Variants in USH2A observed in about 807,000 individuals in gnomAD.
USH2A encodes usherin, also known as Usher syndrome 2A (autosomal recessive, mild).
USH2A carries 443 observed loss-of-function variants against 538.9 expected under a neutral mutation model. The observed-to-expected ratio is 0.82, with a 90% CI of 0.76 to 0.89. USH2A has a LOEUF of 0.89. USH2A is among the 40% of genes least tolerant of loss of function. The pLI, the probability that USH2A is intolerant of heterozygous loss-of-function variation, is 0.00. For missense variants in USH2A, 6,633 were observed against 6,324.8 expected (o/e 1.05, Z -1.65); for synonymous variants, 2,413 against 2,273.5 (o/e 1.06, Z -1.75).
intron 15 of USH2A, among the ~76,000 whole-genome samples, chr1:216,208,603 G>A (rs925589089): frequency 6.6e-6 from 1 of 152,146 alleles, no homozygotes; most frequent in Non-Finnish European, 1.5e-5. Flanking sequence ...GAACTGCAGA[G>A]CTCTTTTGCT....
chr1:216,207,037 G>A lies in USH2A; in HGVS notation c.3316+236C>T, dbSNP rs917774553. ...CACATTCCCATCAATTCTTGATGGG[G>A]TCATTTTTTTTTCATCTTTGAGAAT... On this transcript the variant is annotated intron_variant, in intron 16 of 71. Transcript: ENST00000307340. Among the ~76,000 whole-genome samples the A allele has an allele frequency of 7.9e-5, 12 of 151,858 alleles. 1 individual carries two copies. The highest frequency in any genetic ancestry group is 2.9e-4 in the African/African-American group (12 of 41,314).
chr1:215,799,737 A>G (rs6686574), intron 49 of USH2A, among the ~76,000 whole-genome samples: 108,343 of 151,996 alleles, frequency 0.71, 39,120 homozygotes, highest in African/African-American at 0.82. Flanking sequence ...TGTAATCCCA[A>G]CACTTTGGGA....
intron 40 of USH2A, among the ~76,000 whole-genome samples, chr1:215,895,167 G>A (rs549743793): frequency 6.6e-6 from 1 of 152,150 alleles, no homozygotes; most frequent in Non-Finnish European, 1.5e-5. Flanking sequence ...TACACAGTAG[G>A]TACACGGTAA....
At chr1:216,370,677 CAAAAAAAAAAAAAA>C (rs58845914) in intron 3 of USH2A, among the ~76,000 whole-genome samples, 5 of 29,992 alleles carry the variant, frequency 1.7e-4, no homozygotes, top group African/African-American at 5.6e-4. Flanking sequence ...GACTCTGTCT[CAAAAAAAAAAAAAA>C]AAAAAAAAAA....
At chr1:216,018,754 T>TA (rs565597254) in intron 32 of USH2A, among the ~76,000 whole-genome samples, 1 of 152,038 alleles carries the variant, frequency 6.6e-6, no homozygotes, top group Non-Finnish European at 1.5e-5. Flanking sequence ...AATCTAATTT[T>TA]AAAAAATATT....
intron 9 of USH2A, among the ~76,000 whole-genome samples, chr1:216,302,555 TACTC>T (rs996431368): frequency 6.6e-6 from 1 of 152,090 alleles, no homozygotes; most frequent in Non-Finnish European, 1.5e-5. Flanking sequence ...ACAATGTACT[TACTC>T]ACTCTCTAGA....
chr1:216,357,569 C>T (rs1053519362), intron 4 of USH2A, among the ~76,000 whole-genome samples: 7 of 152,080 alleles, frequency 4.6e-5, no homozygotes, highest in Non-Finnish European at 1.0e-4. Context: ...TAGCTTTAGA[C>T]GATGATCCTT....
intron 38 of USH2A, among the ~76,000 whole-genome samples, chr1:215,915,746 A>G (rs1175930262): frequency 6.6e-6 from 1 of 151,920 alleles, no homozygotes; most frequent in Non-Finnish European, 1.5e-5. Context: ...ACATATGTTT[A>G]TTGCGGCACT....
chr1:215,820,304 G>A (rs945985860), intron 47 of USH2A, among the ~76,000 whole-genome samples: 3 of 135,818 alleles, frequency 2.2e-5, no homozygotes, highest in South Asian at 2.3e-4. Flanking sequence ...CACACACACA[G>A]CCCACATACA....
intron 46 of USH2A, among the ~76,000 whole-genome samples, chr1:215,841,164 T>A (rs192386296): frequency 1.3e-5 from 2 of 152,168 alleles, no homozygotes; most frequent in Admixed American, 6.6e-5. Flanking sequence ...AAACTACCAA[T>A]GACATTCTTC....
At chr1:215,964,480 CAA>C (rs1448962162) in intron 37 of USH2A, among the ~76,000 whole-genome samples, 1 of 152,118 alleles carries the variant, frequency 6.6e-6, no homozygotes, top group Non-Finnish European at 1.5e-5. Flanking sequence ...TTAAGTATTA[CAA>C]AGACTCATAG....
chr1:216,320,829 C>T (rs780449407), intron 9 of USH2A, among the ~76,000 whole-genome samples: 4 of 152,046 alleles, frequency 2.6e-5, no homozygotes, highest in African/African-American at 4.8e-5. Context: ...AACTCTTTAC[C>T]TGTTAACATG....
intron 4 of USH2A, among the ~76,000 whole-genome samples, chr1:216,329,314 T>C (rs1041884274): frequency 3.3e-5 from 5 of 152,148 alleles, no homozygotes; most frequent in African/African-American, 1.2e-4. Context: ...TTATGATCAA[T>C]TGACCTGGAT....
chr1:215,740,156 C>G (rs1223787854), intron 60 of USH2A, among the ~76,000 whole-genome samples: 2 of 152,156 alleles, frequency 1.3e-5, no homozygotes, highest in African/African-American at 4.8e-5. Context: ...CCCTCACTTT[C>G]TCTATTTTTT....
chr1:215,900,267 T>G, intron 39 of USH2A, 50 bp from the exon 40 acceptor site: 1 of 1,601,292 alleles, frequency 6.2e-7, no homozygotes. Context: ...TTCAAAGAAA[T>G]AAAAGCAAGT....
At chr1:216,077,974 C>T (rs2031808802) in intron 27 of USH2A, 115 bp downstream of exon 27, 4 of 1,262,550 alleles carry the variant, frequency 3.2e-6, no homozygotes, top group South Asian at 2.5e-5. Context: ...AAAAGAGATG[C>T]TGTTGGGTGC....
At position 216,097,292 on chromosome 1, in the gene USH2A, T is replaced by C; in HGVS notation, c.4628-79A>G. 2.5e-6 allele frequency: 4 copies of C among 1,609,080 alleles called. No individual in the cohort carries two copies. In the East Asian group the frequency reaches 8.9e-5, roughly 36 times the overall value. ...CTGATAAATGTACATTTACTTTCAT[T>C]ATTATTTATGATGTAGTGAGTACAG... On this transcript the variant is annotated intron_variant, in intron 21 of 71. Coordinates refer to ENST00000307340, the MANE Select transcript of USH2A (RefSeq NM_206933.4).
intron 32 of USH2A, among the ~76,000 whole-genome samples, chr1:216,023,994 T>C (rs1222123275): frequency 6.6e-6 from 1 of 152,122 alleles, no homozygotes; most frequent in East Asian, 1.9e-4. Flanking sequence ...CTGAGATTGT[T>C]ATATAAGTTT....
chr1:216,110,596 T>C (rs1429276802), intron 21 of USH2A, among the ~76,000 whole-genome samples: 1 of 152,204 alleles, frequency 6.6e-6, no homozygotes, highest in Non-Finnish European at 1.5e-5. Context: ...ACCCATCCTA[T>C]AGCAGTAGAA....
Sources: gnomAD v4.1 joint callset for allele counts (sites outside exome capture counted in the v4.1 genomes callset) on GRCh38, gnomAD v4.1.1 for gene constraint, MANE v1.5 for transcripts, NCBI Gene and HGNC (gene_info 2026-07-23, HGNC 2026-07-21) for gene names.